DRC4: variants seen among roughly 807,000 people sequenced by gnomAD.
DRC4 encodes GAS-11.
At chr16:90,020,205 A>T in the DRC4 span, 1 of 490,838 alleles carries the variant, frequency 2.0e-6, no homozygotes, top group Non-Finnish European at 3.6e-6. Context: ...TTGCAGGAGC[A>T]TTGACTCATG....
chr16:90,043,166 C>G, the DRC4 span: 1 of 1,589,018 alleles, frequency 6.3e-7, no homozygotes, highest in Non-Finnish European at 8.6e-7. Flanking sequence ...TGGGGACCCT[C>G]AGCTCCCTGA....
the DRC4 span, chr16:90,036,630 C>T: frequency 1.3e-6 from 2 of 1,527,432 alleles, no homozygotes; most frequent in African/African-American, 1.4e-5. Flanking sequence ...TCTGCCTGTC[C>T]TAGAATGTGG....
At chr16:90,039,138 CTG>C in the DRC4 span, among the ~76,000 whole-genome samples, 2 of 152,174 alleles carry the variant, frequency 1.3e-5, no homozygotes, top group Non-Finnish European at 2.9e-5. Flanking sequence ...CAGTGAGATC[CTG>C]AGGACTGCTG....
chr16:90,026,499 A>T, the DRC4 span, among the ~76,000 whole-genome samples: 1 of 152,266 alleles, frequency 6.6e-6, no homozygotes, highest in South Asian at 2.1e-4. Flanking sequence ...GATCGTGGTT[A>T]TGGAGGCATT....
chr16:90,042,629 C>T, the DRC4 span: 1 of 1,008,672 alleles, frequency 9.9e-7, no homozygotes, highest in African/African-American at 1.6e-5. Flanking sequence ...CCTGTGCCCA[C>T]TTCGTACCTC....
At chr16:90,025,805 T>G in the DRC4 span, among the ~76,000 whole-genome samples, 1 of 151,512 alleles carries the variant, frequency 6.6e-6, no homozygotes, top group African/African-American at 2.4e-5. Context: ...GGAGAATTGT[T>G]TGAACCCAAG....
At chr16:90,029,173 C>T in the DRC4 span, 1 of 1,340,516 alleles carries the variant, frequency 7.5e-7, no homozygotes, top group South Asian at 1.2e-5. Flanking sequence ...TACGGGGCAG[C>T]TTACGGGGCA....
the DRC4 span, chr16:90,036,028 A>T: frequency 4.3e-6 from 4 of 930,262 alleles, no homozygotes; most frequent in Non-Finnish European, 3.0e-6. Flanking sequence ...CTCCAATTTC[A>T]GAAGTCTCTG....
the DRC4 span, chr16:90,036,475 G>T: frequency 1.2e-6 from 2 of 1,614,236 alleles, no homozygotes; most frequent in South Asian, 1.1e-5. Context: ...AGGAGAGGAA[G>T]AATGGCCAGA....
the DRC4 span, chr16:90,036,154 A>G: frequency 1.7e-6 from 1 of 584,872 alleles, no homozygotes; most frequent in East Asian, 2.9e-5. Context: ...GCGATTAGCA[A>G]TGCCTGTCAC....
At chr16:90,027,843 C>A in the DRC4 span, 4 of 877,658 alleles carry the variant, frequency 4.6e-6, no homozygotes, top group African/African-American at 6.7e-5. Flanking sequence ...CCAGAACACG[C>A]CCCCCGCGTG....
At chr16:90,025,629 A>G in the DRC4 span, among the ~76,000 whole-genome samples, 171 of 130,542 alleles carry the variant, frequency 1.3e-3, 1 homozygote, top group African/African-American at 4.5e-3. Flanking sequence ...CAGCCTGGGC[A>G]ACAGAGCAAG....
chr16:90,041,479 C>A, the DRC4 span, among the ~76,000 whole-genome samples: 1 of 152,092 alleles, frequency 6.6e-6, no homozygotes, highest in Non-Finnish European at 1.5e-5. Flanking sequence ...TGGGCGGGGC[C>A]AGCGCTGCTG....
chr16:90,019,902 C>T, the DRC4 span: 1 of 74,558 alleles, frequency 1.3e-5, no homozygotes, highest in Non-Finnish European at 3.0e-5. This position sits in a 1 kb window ranked among gnomAD's most constrained non-coding sequence, Gnocchi z 6.1. Flanking sequence ...ACGCGGGGGG[C>T]GGGTGGGGGC....
the DRC4 span, among the ~76,000 whole-genome samples, chr16:90,030,438 C>G: frequency 6.6e-6 from 1 of 151,822 alleles, no homozygotes; most frequent in South Asian, 2.1e-4. Context: ...CCTCCCAGGT[C>G]CAAACGATCC....
At chr16:90,020,457 CAG>C in the DRC4 span, among the ~76,000 whole-genome samples, 1 of 152,322 alleles carries the variant, frequency 6.6e-6, no homozygotes, top group South Asian at 2.1e-4. Context: ...AGACATCAGA[CAG>C]AGGGCAGTCG....
chr16:90,027,763 G>A, the DRC4 span: 3 of 1,575,250 alleles, frequency 1.9e-6, no homozygotes, highest in Non-Finnish European at 2.6e-6. Context: ...GGGTGGGCGT[G>A]GGCGGGCACC....
chr16:90,035,584 C>T, the DRC4 span: 1 of 1,612,224 alleles, frequency 6.2e-7, no homozygotes, highest in Admixed American at 1.7e-5. Context: ...AGGGAGCGGG[C>T]TTCCCTCTGT....
At chr16:90,026,364 A>G in the DRC4 span, among the ~76,000 whole-genome samples, 1 of 152,166 alleles carries the variant, frequency 6.6e-6, no homozygotes, top group Non-Finnish European at 1.5e-5. Context: ...CGCCATGTGC[A>G]GTTCCGTCTG....
Sources: allele counts gnomAD v4.1 joint callset (sites outside exome capture counted in the v4.1 genomes callset), GRCh38; gene constraint gnomAD v4.1.1; non-coding constraint Gnocchi (gnomAD v3.1); transcripts MANE v1.5; gene names NCBI Gene and HGNC (gene_info 2026-07-23, HGNC 2026-07-21).